Variants in ITFG1 observed in about 807,000 individuals in gnomAD.
ITFG1 encodes integrin alpha FG-GAP repeat containing 1, also known as T-cell immunomodulatory protein.
Under a neutral mutation model 81.8 loss-of-function variants are expected in ITFG1, and 34 were observed. The ratio of observed to expected loss-of-function variants is 0.42; its 90% CI spans 0.32 to 0.55. The LOEUF is 0.55. ITFG1 is among the 20% of genes least tolerant of loss of function. ITFG1 has a pLI of 0.17. For synonymous variants in ITFG1, 285 were observed against 270.6 expected (o/e 1.05, Z -0.52); for missense variants, 672 against 755.4 (o/e 0.89, Z 1.29).
intron 5 of ITFG1, among the ~76,000 whole-genome samples, chr16:47,437,388 C>A (rs771681216): frequency 6.6e-6 from 1 of 150,654 alleles, no homozygotes; most frequent in African/African-American, 2.4e-5. Context: ...GGACTGCTTG[C>A]GGCCAGGAGC....
rs1964676212 is a variant in ITFG1 at position 47,154,682 on chromosome 16, G to A, written c.*1037C>T. 6.6e-6 allele frequency: 1 copy of A among 152,120 alleles called. No individual in the cohort carries two copies. Among genetic ancestry groups the A allele is most frequent in the South Asian group, 2.1e-4 (1 of 4,828 alleles). The allele number at this position is 152,120 out of a possible 1,614,324, so 9.4% of individuals were successfully genotyped here. On this transcript the variant is annotated 3_prime_UTR_variant, in exon 18 of 18. Coordinates refer to ENST00000320640, the MANE Select transcript of ITFG1 (RefSeq NM_030790.5). ...GAATGTAAATTATAGACTTCTCCAA[G>A]TGTTTGAGAATAGAAATGTGATTGA...
intron 5 of ITFG1, chr16:47,450,531 C>T (rs1485960114): frequency 2.8e-5 from 8 of 283,252 alleles, no homozygotes; most frequent in Non-Finnish European, 7.0e-6. Context: ...ATTTACTCCT[C>T]TGCATACCTA....
chr16:47,255,408 G>C (rs993629860), intron 12 of ITFG1, among the ~76,000 whole-genome samples: 6 of 152,170 alleles, frequency 3.9e-5, no homozygotes, highest in African/African-American at 1.2e-4. Context: ...GGGTAGACTT[G>C]AGAAGTTAAA....
chr16:47,271,822 GC>G (rs1383874874), intron 10 of ITFG1, among the ~76,000 whole-genome samples: 2 of 152,194 alleles, frequency 1.3e-5, no homozygotes, highest in Non-Finnish European at 2.9e-5. Context: ...TCACACCACT[GC>G]ACTCCAGCCT....
intron 10 of ITFG1, among the ~76,000 whole-genome samples, chr16:47,307,861 T>A (rs1036510763): frequency 2.6e-5 from 4 of 152,202 alleles, no homozygotes; most frequent in African/African-American, 9.7e-5. Flanking sequence ...GAGTATGCAC[T>A]GTTTAGCTCC....
At chr16:47,461,217 G>C, upstream of ITFG1, 1 of 968,510 alleles carries the variant, frequency 1.0e-6, no homozygotes, top group South Asian at 1.7e-5. Flanking sequence ...AAAAAGCAGT[G>C]GAGCTAGGGT....
intron 14 of ITFG1, among the ~76,000 whole-genome samples, chr16:47,189,093 T>A (rs1350016694): frequency 6.6e-6 from 1 of 152,246 alleles, no homozygotes; most frequent in African/African-American, 2.4e-5. Context: ...AAGGTTCTTC[T>A]AATTTCTTTT....
intron 8 of ITFG1, among the ~76,000 whole-genome samples, chr16:47,314,964 AAG>A (rs1458579767): frequency 6.6e-6 from 1 of 152,194 alleles, no homozygotes; most frequent in East Asian, 1.9e-4. Flanking sequence ...AGGAAAAAAA[AAG>A]AATTTTAGGC....
intron 10 of ITFG1, among the ~76,000 whole-genome samples, chr16:47,276,973 A>G (rs1415679149): frequency 6.6e-6 from 1 of 152,224 alleles, no homozygotes; most frequent in Non-Finnish European, 1.5e-5. Flanking sequence ...TTACCTAAAT[A>G]AGATCGAGAA....
chr16:47,409,308 CA>C (rs1224655638), intron 6 of ITFG1, among the ~76,000 whole-genome samples: 15 of 107,796 alleles, frequency 1.4e-4, no homozygotes, highest in African/African-American at 1.8e-4. Flanking sequence ...ACCGAAATAC[CA>C]AAAAAAAAAT....
intron 5 of ITFG1, chr16:47,449,404 C>A (rs1352814111): frequency 6.6e-6 from 1 of 152,200 alleles, no homozygotes; most frequent in African/African-American, 2.4e-5. Context: ...ACTGACATTG[C>A]TTAAACGTAG....
chr16:47,350,255 A>C (rs1374881396), intron 8 of ITFG1, among the ~76,000 whole-genome samples: 2 of 152,236 alleles, frequency 1.3e-5, no homozygotes, highest in Non-Finnish European at 2.9e-5. Context: ...AACCCTTCAA[A>C]ACAATCAATG....
intron 14 of ITFG1, among the ~76,000 whole-genome samples, chr16:47,177,293 G>C (rs544181283): frequency 3.3e-5 from 5 of 151,862 alleles, no homozygotes; most frequent in Non-Finnish European, 7.4e-5. Context: ...AAATCTTCCC[G>C]GCTATACAAT....
intron 14 of ITFG1, among the ~76,000 whole-genome samples, chr16:47,194,798 T>G (rs2151518636): frequency 6.6e-6 from 1 of 152,216 alleles, no homozygotes; most frequent in South Asian, 2.1e-4. Flanking sequence ...CCATGGTGGT[T>G]TGCTGCACCT....
Position 47,301,319 on chromosome 16 carries a change from ACTGAGT to A in ITFG1, c.1070+9915_1070+9920del, listed in dbSNP as rs141904887. 6.7e-3 allele frequency among the ~76,000 whole-genome samples: 1,027 copies of A among 152,302 alleles called. 13 individuals carry two copies. Among genetic ancestry groups the A allele is most frequent in the African/African-American group, 0.023 (959 of 41,562 alleles). ...AAAAGGTCAAACCTGCAAGTGCCTT[ACTGAGT>A]CTGTGTTGATTTACAGTAAACATGA... On this transcript the variant is annotated intron_variant, in intron 10 of 17. Coordinates refer to ENST00000320640, the MANE Select transcript of ITFG1 (RefSeq NM_030790.5).
intron 6 of ITFG1, among the ~76,000 whole-genome samples, chr16:47,378,602 TGCTA>T (rs893399119): frequency 1.3e-5 from 2 of 152,242 alleles, no homozygotes; most frequent in African/African-American, 4.8e-5. Flanking sequence ...TCCATGGCTT[TGCTA>T]GCTATTTATT....
intron 8 of ITFG1, among the ~76,000 whole-genome samples, chr16:47,359,974 G>A (rs983222781): frequency 1.3e-5 from 2 of 152,080 alleles, no homozygotes; most frequent in African/African-American, 2.4e-5. Context: ...GTATGCTTGA[G>A]GCTTGGCTAT....
intron 10 of ITFG1, among the ~76,000 whole-genome samples, chr16:47,268,305 T>C (rs1966300967): frequency 6.6e-6 from 1 of 152,132 alleles, no homozygotes; most frequent in African/African-American, 2.4e-5. Flanking sequence ...AATGGACGAA[T>C]TCCCTGGAAG....
In ITFG1 at chr16:47,237,995, C is replaced by T; in HGVS notation, c.1344G>A (p.Leu448=). The stretch of plus-strand genomic sequence containing the variant: ...TCTTACGAGGACAGTCATTAGAACA[C>T]AGACCACTAAGAACTGTGGAAAAAT... The part of the protein sequence containing the change: ...YFVKVIVLSG[L]CSNDCPRKIT... The change falls in exon 13 of 18, where the codon CTG becomes CTA. Residue 448 remains leucine (L), a synonymous_variant. Transcript: ENST00000320640. 1 of 1,473,636 alleles carries T rather than the reference C, an allele frequency of 6.8e-7. No homozygotes were observed. The highest frequency in any genetic ancestry group is 9.2e-7 in the Non-Finnish European group (1 of 1,083,586). 91.3% of individuals were successfully genotyped at this position (1,473,636 alleles called of 1,614,324 possible). A position where few individuals can be genotyped will look rare whatever the true frequency, so the allele number is the denominator to read the frequency against.
Sources: gnomAD v4.1 joint callset for allele counts (sites outside exome capture counted in the v4.1 genomes callset) on GRCh38, gnomAD v4.1.1 for gene constraint, MANE v1.5 for transcripts, NCBI Gene and HGNC (gene_info 2026-07-23, HGNC 2026-07-21) for gene names.